NUP188: variants seen among roughly 807,000 people sequenced by gnomAD.
NUP188 encodes nucleoporin 188, also known as nucleoporin NUP188.
Under a neutral mutation model 223.0 loss-of-function variants are expected in NUP188, and 97 were observed. The ratio of observed to expected loss-of-function variants is 0.43; its 90% CI spans 0.37 to 0.51. The LOEUF (loss-of-function observed/expected upper bound fraction) is 0.51. NUP188 is among the 20% of genes least tolerant of loss of function. The pLI is 0.00. For missense variants in NUP188, 1,947 were observed against 2,175.6 expected (o/e 0.89, Z 2.09); for synonymous variants, 869 against 828.0 (o/e 1.05, Z -0.85).
intron 25 of NUP188, among the ~76,000 whole-genome samples, chr9:128,992,802 CATG>C (rs962485148): frequency 1.3e-5 from 2 of 152,128 alleles, no homozygotes; most frequent in Non-Finnish European, 2.9e-5. Flanking sequence ...TATAAATGAA[CATG>C]ATATTTTTTA....
rs1299058386 is a variant in NUP188, at chr9:128,990,246, A to G, written c.2640+20A>G. On this transcript the variant is annotated intron_variant, in intron 25 of 43. Transcript: ENST00000372577. ...GCCACGGTAGGATCGTACTTCATGCACACACACTGTTTATATGAGGGTGTT... is the reference window on the plus strand; with the variant it reads ...GCCACGGTAGGATCGTACTTCATGCGCACACACTGTTTATATGAGGGTGTT... 22 of 1,568,600 alleles carry G rather than the reference A, an allele frequency of 1.4e-5. No homozygotes were observed. The highest frequency in any genetic ancestry group is 1.8e-5 in the Non-Finnish European group (20 of 1,138,610).
At chr9:128,978,042 A>G (rs1415909344) in intron 12 of NUP188, among the ~76,000 whole-genome samples, 2 of 152,094 alleles carry the variant, frequency 1.3e-5, no homozygotes, top group African/African-American at 4.8e-5. Context: ...AGCAGACACA[A>G]CACACCCTGG....
chr9:128,987,801 G>A (rs1382530412), intron 23 of NUP188, 84 bp downstream of exon 23: 20 of 1,525,468 alleles, frequency 1.3e-5, no homozygotes, highest in Non-Finnish European at 1.6e-5. Flanking sequence ...TTAACTTGCA[G>A]TAGCTTTTAG....
At position 129,006,816 on chromosome 9, in the gene NUP188, A is replaced by G. The variant is rs1023119296; in HGVS notation, c.*138A>G. ...CCCCTCCCGGAGTAGCCACGACTCC[A>G]GCCACCACCCACTGACGTTATTTTT... is the stretch of plus-strand genomic sequence containing the variant. On this transcript the variant is annotated 3_prime_UTR_variant, in exon 44 of 44. Transcript: ENST00000372577. 1.2e-6 allele frequency: 1 copy of G among 817,934 alleles called. No homozygotes were observed. The highest frequency in any genetic ancestry group is 3.8e-4 in the Middle Eastern group (1 of 2,638). The allele number at this position is 817,934 out of a possible 1,614,324, so 50.7% of individuals were successfully genotyped here.
chr9:129,005,784 G>A lies in NUP188; in HGVS notation c.4869+8G>A. On this transcript the variant is annotated splice_region_variant and intron_variant, in intron 41 of 43. Transcript: ENST00000372577. Reference sequence around the variant, plus strand: ...CTCAACATGCTTGGAGAGGTAAGTTGGTTCTGTCAGACACTGTCCTCTCCC... The same window carrying A: ...CTCAACATGCTTGGAGAGGTAAGTTAGTTCTGTCAGACACTGTCCTCTCCC... The A allele has an allele frequency of 6.2e-7, 1 of 1,604,032 alleles. No individual in the cohort carries two copies. The highest frequency in any genetic ancestry group is 8.5e-7 in the Non-Finnish European group (1 of 1,175,172).
chr9:129,003,249 GGGTA>G, intron 37 of NUP188, 64 bp from the exon 38 acceptor site: 1 of 1,544,154 alleles, frequency 6.5e-7, no homozygotes, highest in Non-Finnish European at 8.7e-7. Flanking sequence ...CTCCACAGGA[GGGTA>G]GGTGTGGGTA....
chr9:128,952,893 C>A, intron 3 of NUP188, 47 bp downstream of exon 3: 1 of 1,431,008 alleles, frequency 7.0e-7, no homozygotes, highest in Non-Finnish European at 9.9e-7. Flanking sequence ...CCTAAGGAAG[C>A]TGACATGGAT....
chr9:128,987,003 G>A, intron 22 of NUP188, 128 bp downstream of exon 22: 1 of 657,008 alleles, frequency 1.5e-6, no homozygotes, highest in Non-Finnish European at 2.6e-6. Flanking sequence ...TAATCTTGAG[G>A]TTGTTAGTTG....
intron 12 of NUP188, among the ~76,000 whole-genome samples, chr9:128,977,992 C>T (rs1842202961): frequency 6.6e-6 from 1 of 152,132 alleles, no homozygotes; most frequent in African/African-American, 2.4e-5. Flanking sequence ...ACAGATAAAG[C>T]ATTTCTGGCT....
intron 12 of NUP188, 67 bp downstream of exon 12, chr9:128,973,316 C>A: frequency 2.0e-6 from 2 of 1,014,442 alleles, no homozygotes; most frequent in Non-Finnish European, 3.1e-6. Context: ...CAAAAATATA[C>A]CCCCATTGGA....
chr9:128,961,538 A>G (rs1213956304), intron 8 of NUP188, among the ~76,000 whole-genome samples: 3 of 151,036 alleles, frequency 2.0e-5, no homozygotes, highest in Non-Finnish European at 4.4e-5. Context: ...TAAATAAATA[A>G]CCAAAGGGAA....
At position 128,978,303 on chromosome 9, in the gene NUP188, C is replaced by G. The variant is rs182711531; in HGVS notation, c.1204-959C>G. On this transcript the variant is annotated intron_variant, in intron 12 of 43. Coordinates refer to ENST00000372577, the MANE Select transcript of NUP188 (RefSeq NM_015354.3). ...ACGGTAAAAAGAGGCTGGTCTCACA[C>G]CTGTAATCCCAGCACTTTGGGAGGC... Among the ~76,000 whole-genome samples, 101 of 152,094 alleles carry G rather than the reference C, an allele frequency of 6.6e-4. 3 individuals are homozygous for G. Among genetic ancestry groups the G allele is most frequent in the Admixed American group, 5.9e-3 (90 of 15,256 alleles).
At chr9:128,959,573 C>T (rs1176390744) in intron 8 of NUP188, among the ~76,000 whole-genome samples, 1 of 126,334 alleles carries the variant, frequency 7.9e-6, no homozygotes, top group Non-Finnish European at 1.6e-5. Flanking sequence ...CCCTGTGTTG[C>T]TCAAGCTGGA....
chr9:128,993,716 G>C (rs1293068654), intron 27 of NUP188, 22 bp downstream of exon 27: 1 of 1,609,992 alleles, frequency 6.2e-7, no homozygotes, highest in African/African-American at 1.3e-5. Flanking sequence ...TCTGGGAGTA[G>C]TTTCATTGTT....
chr9:128,995,573 G>A (rs1274288518), intron 30 of NUP188, 59 bp downstream of exon 30: 3 of 1,381,568 alleles, frequency 2.2e-6, no homozygotes, highest in East Asian at 2.3e-5. Flanking sequence ...GTGTTGACAT[G>A]AGCCTAGCAG....
In NUP188 at chr9:129,006,585, G is replaced by A. The variant is rs753224783; in HGVS notation, c.5157G>A (p.Gln1719=). 15 of 1,614,098 alleles carry A rather than the reference G, an allele frequency of 9.3e-6. No homozygotes were observed. The highest frequency in any genetic ancestry group is 1.3e-5 in the Non-Finnish European group (15 of 1,180,038). Residue 1719 remains glutamine, a synonymous_variant, in exon 44 of 44, where the codon CAG becomes CAA. Coordinates refer to ENST00000372577, the MANE Select transcript of NUP188 (RefSeq NM_015354.3). ...SPATGVLPSP[Q]GKSTSLSKAS... Reference sequence around the variant, plus strand: ...CCACTGGTGTCCTCCCCTCGCCGCAGGGCAAGTCCACCTCTCTCTCCAAAG... The same window carrying A: ...CCACTGGTGTCCTCCCCTCGCCGCAAGGCAAGTCCACCTCTCTCTCCAAAG...
rs148207291 is a variant in NUP188 at position 128,986,836 on chromosome 9, C to T, written c.2225C>T (p.Ala742Val). The T allele has an allele frequency of 3.4e-5, 55 of 1,613,900 alleles. No individual in the cohort carries two copies. Among genetic ancestry groups the T allele is most frequent in the South Asian group, 4.4e-5 (4 of 91,076 alleles). ...IGCLILELIHAILNLCHETDL... is the reference protein window; with the variant it reads ...IGCLILELIHVILNLCHETDL... Reference sequence around the variant, plus strand: ...TGCCTGATCTTGGAGCTGATTCATGCGATACTGAACCTGTGCCACGAGACA... The same window carrying T: ...TGCCTGATCTTGGAGCTGATTCATGTGATACTGAACCTGTGCCACGAGACA... Residue 742 changes from alanine to valine, a missense_variant, in exon 22 of 44, where the codon GCG becomes GTG. Transcript: ENST00000372577.
At chr9:128,959,791 T>C (rs1841921670) in intron 8 of NUP188, among the ~76,000 whole-genome samples, 1 of 152,108 alleles carries the variant, frequency 6.6e-6, no homozygotes, top group Non-Finnish European at 1.5e-5. Flanking sequence ...CCACCTGCTT[T>C]GGCCTCCAAG....
Position 129,006,078 on chromosome 9 carries a change from A to T in NUP188, c.4898A>T (p.Gln1633Leu). The T allele has an allele frequency of 6.2e-7, 1 of 1,614,104 alleles. No individual in the cohort carries two copies. The highest frequency in any genetic ancestry group is 8.5e-7 in the Non-Finnish European group (1 of 1,180,016). Residue 1633 changes from glutamine (Q) to leucine (L), a missense_variant, in exon 42 of 44, where the codon CAG becomes CTG. Transcript: ENST00000372577. ...ELDKKKEPLTQAVGLSTQAEG... is the reference protein window; with the variant it reads ...ELDKKKEPLTLAVGLSTQAEG... ...GACAAGAAAAAGGAGCCCCTCACCCAGGCAGTGGGGCTCAGCACACAGGCA... is the reference window on the plus strand; with the variant it reads ...GACAAGAAAAAGGAGCCCCTCACCCTGGCAGTGGGGCTCAGCACACAGGCA...
Sources: allele counts gnomAD v4.1 joint callset (sites outside exome capture counted in the v4.1 genomes callset), GRCh38; gene constraint gnomAD v4.1.1; transcripts MANE v1.5; gene names NCBI Gene and HGNC (gene_info 2026-07-23, HGNC 2026-07-21).